The following PTGER3 variants were observed in gnomAD, a reference collection of about 807,000 sequenced individuals.
PTGER3 encodes the protein prostaglandin E2 receptor EP3 subtype.
A neutral mutation model predicts 34.7 loss-of-function variants in PTGER3; 22 were observed. The observed-to-expected ratio is 0.63, with a 90% CI of 0.45 to 0.91. PTGER3 has a LOEUF of 0.91. Among genes scored for constraint, PTGER3 ranks in the 40% least tolerant of loss-of-function variants. PTGER3 has a pLI of 0.00. For missense variants in PTGER3, 468 were observed against 519.4 expected, an observed-to-expected ratio of 0.90 and a Z score of 0.96; for synonymous variants, 241 against 230.1, an observed-to-expected ratio of 1.05 and a Z score of -0.43.
chr1:70,998,257 G>A (rs1327266292), intron 2 of PTGER3: 1 of 152,126 alleles, frequency 6.6e-6, no homozygotes, highest in East Asian at 1.9e-4. Context: ...TGAAGTATAG[G>A]GAATTTTTCT....
chr1:70,936,749 T>C (rs1473920334), intron 4 of PTGER3, among the ~76,000 whole-genome samples: 1 of 152,176 alleles, frequency 6.6e-6, no homozygotes, highest in African/African-American at 2.4e-5. Flanking sequence ...TACTTCTCTG[T>C]AGTGGAATCT....
At chr1:71,040,934 G>A (rs1557770167) in intron 1 of PTGER3, among the ~76,000 whole-genome samples, 1 of 152,124 alleles carries the variant, frequency 6.6e-6, no homozygotes. Context: ...ATTGCTGAAT[G>A]GCTGAGGGGT....
chr1:70,972,779 A>G (rs576863356), intron 3 of PTGER3, among the ~76,000 whole-genome samples: 17 of 152,238 alleles, frequency 1.1e-4, no homozygotes, highest in South Asian at 6.2e-4. Flanking sequence ...AATGTATATC[A>G]TAATATTAAC....
chr1:70,961,548 A>G (rs1384339289), intron 2 of PTGER3, among the ~76,000 whole-genome samples: 1 of 152,152 alleles, frequency 6.6e-6, no homozygotes, highest in Non-Finnish European at 1.5e-5. Flanking sequence ...AACTCAGATG[A>G]TGTAGCCTTC....
intron 4 of PTGER3, among the ~76,000 whole-genome samples, chr1:70,871,510 T>C (rs1325949): frequency 0.19 from 28,538 of 152,142 alleles, 3,490 homozygotes; most frequent in Admixed American, 0.34. Flanking sequence ...ACTATGTCCA[T>C]GTCGGTATTC....
At position 70,891,027 on chromosome 1, in the gene PTGER3, C is replaced by T. The variant is rs115936377; in HGVS notation, c.*24-38168G>A. Among the ~76,000 whole-genome samples, 357 of 152,302 alleles carry T rather than the reference C, an allele frequency of 2.3e-3. 3 individuals carry two copies. Among genetic ancestry groups the T allele is most frequent in the African/African-American group, 8.1e-3 (335 of 41,554 alleles). ...CTTGAGTGCAGTTGCTTTTACTCAA[C>T]GTGCAAAACTCAGCTTCAGCTTCTC... is the stretch of plus-strand genomic sequence containing the variant. On this transcript the variant is annotated intron_variant, in intron 4 of 4. Transcript: ENST00000370931.
At chr1:70,870,247 G>A (rs1473245108) in intron 4 of PTGER3, among the ~76,000 whole-genome samples, 1 of 152,198 alleles carries the variant, frequency 6.6e-6, no homozygotes. Context: ...TAGTGCTGGA[G>A]CAGCCAGGAT....
In PTGER3 at chr1:70,971,115, CACAT is replaced by C. The variant is rs1464761650; in HGVS notation, c.*611_*614del. On this transcript the variant is annotated 3_prime_UTR_variant, in exon 4 of 4. Coordinates refer to ENST00000306666, the MANE Select transcript of PTGER3 (RefSeq NM_198719.2). ...AGCAGATTCCTGAGTTACTAAATGA[CACAT>C]AACTAGAATTGAGACTTAGGAACTT... is the stretch of plus-strand genomic sequence containing the variant. 1.0e-6 allele frequency: 1 copy of C among 985,244 alleles called. No individual in the cohort carries two copies. Among genetic ancestry groups the C allele is most frequent in the African/African-American group, 1.7e-5 (1 of 57,220 alleles). 61.0% of individuals were successfully genotyped at this position (985,244 alleles called of 1,614,324 possible). A position where few individuals can be genotyped will look rare whatever the true frequency, so the allele number is the denominator to read the frequency against.
chr1:70,969,128 A>G (rs1297593065), downstream of PTGER3, among the ~76,000 whole-genome samples: 2 of 152,086 alleles, frequency 1.3e-5, no homozygotes, highest in Non-Finnish European at 2.9e-5. Context: ...AATTGCTTGA[A>G]CTGGGGAGGC....
chr1:70,933,312 C>T (rs932028588), intron 4 of PTGER3, among the ~76,000 whole-genome samples: 2 of 152,118 alleles, frequency 1.3e-5, no homozygotes, highest in Non-Finnish European at 2.9e-5. Context: ...TTATTTCTTG[C>T]TTGTGACTGA....
intron 4 of PTGER3, among the ~76,000 whole-genome samples, chr1:70,913,730 C>A (rs920903382): frequency 2.6e-5 from 4 of 151,686 alleles, no homozygotes; most frequent in Non-Finnish European, 5.9e-5. Flanking sequence ...TTCATGTATT[C>A]AAAAATTATG....
intron 1 of PTGER3, among the ~76,000 whole-genome samples, chr1:71,036,619 T>TC (rs1386406566): frequency 6.6e-6 from 1 of 152,024 alleles, no homozygotes; most frequent in African/African-American, 2.4e-5. Context: ...GGTGGGCGGA[T>TC]CACAAGGTCA....
At chr1:70,938,506 C>T (rs1373981976) in intron 4 of PTGER3, among the ~76,000 whole-genome samples, 1 of 151,902 alleles carries the variant, frequency 6.6e-6, no homozygotes, top group Non-Finnish European at 1.5e-5. Context: ...TAAGAAATTT[C>T]AAATATTTTC....
intron 1 of PTGER3, among the ~76,000 whole-genome samples, chr1:71,019,754 G>A (rs558712484): frequency 4.1e-4 from 63 of 152,146 alleles, no homozygotes; most frequent in African/African-American, 1.4e-3. Flanking sequence ...AAATGCCTTG[G>A]GTTGTAGGCC....
rs1003985951 is a variant in PTGER3 at position 71,011,380 on chromosome 1, C to G, written c.1077+925G>C. ...TTAAAGAGTCAAAGACTGGGGAACA[C>G]TTTTGGTGAATAATCAAGGGAAATA... On this transcript the variant is annotated intron_variant, in intron 2 of 3. Coordinates refer to ENST00000306666, the MANE Select transcript of PTGER3 (RefSeq NM_198719.2). The G allele has an allele frequency of 1.9e-5, 19 of 985,176 alleles. No individual in the cohort carries two copies. The Admixed American group carries it at 4.3e-4, about 22-fold the overall frequency. 61.0% of individuals were successfully genotyped at this position (985,176 alleles called of 1,614,324 possible).
At chr1:70,864,776 CA>C (rs1217733456) in intron 4 of PTGER3, among the ~76,000 whole-genome samples, 2 of 152,212 alleles carry the variant, frequency 1.3e-5, no homozygotes, top group African/African-American at 4.8e-5. Flanking sequence ...ATACTATTAT[CA>C]GTCCCATTTT....
At chr1:70,969,622 T>TA (rs772377316), downstream of PTGER3, among the ~76,000 whole-genome samples, 7 of 152,110 alleles carry the variant, frequency 4.6e-5, no homozygotes, top group Non-Finnish European at 5.9e-5. Context: ...CAAAAATACT[T>TA]AAAGTATTCA....
chr1:70,958,104 T>C (rs1178338922), intron 2 of PTGER3, among the ~76,000 whole-genome samples: 2 of 152,146 alleles, frequency 1.3e-5, no homozygotes, highest in African/African-American at 4.8e-5. Context: ...CATCTGTAGA[T>C]GGTCATCTAG....
chr1:70,963,857 T>C (rs1368051368), intron 2 of PTGER3, among the ~76,000 whole-genome samples: 1 of 152,188 alleles, frequency 6.6e-6, no homozygotes, highest in Non-Finnish European at 1.5e-5. Context: ...GTTTTTCTTT[T>C]CTATTGCATG....
Sources: allele counts gnomAD v4.1 joint callset (sites outside exome capture counted in the v4.1 genomes callset), GRCh38; gene constraint gnomAD v4.1.1; transcripts MANE v1.5; gene names NCBI Gene and HGNC (gene_info 2026-07-23, HGNC 2026-07-21).